The following TMCO1 variants were observed in gnomAD, a reference collection of about 807,000 sequenced individuals.
TMCO1 encodes the protein transmembrane and coiled-coil domains 1.
In TMCO1, 29 loss-of-function variants were observed where a neutral mutation model predicts 29.3. That is an observed-to-expected ratio of 0.99 (90% CI 0.74 to 1.35). TMCO1 has a LOEUF of 1.35. TMCO1 is among the 40% of genes most tolerant of loss of function. TMCO1 has a pLI of 0.00. For missense variants in TMCO1, 173 were observed against 225.5 expected (o/e 0.77, Z 1.49); for synonymous variants, 80 against 77.1 (o/e 1.04, Z -0.20).
intron 6 of TMCO1, among the ~76,000 whole-genome samples, chr1:165,728,988 C>G (rs983141466): frequency 1.3e-5 from 2 of 151,472 alleles, no homozygotes; most frequent in South Asian, 4.2e-4. Context: ...CACCTGTAGT[C>G]CTAGCTACTC....
At chr1:165,761,167 G>A (rs1360496625) in intron 2 of TMCO1, among the ~76,000 whole-genome samples, 1 of 141,962 alleles carries the variant, frequency 7.0e-6, no homozygotes, top group Non-Finnish European at 1.6e-5. Flanking sequence ...TGTGTTTTGT[G>A]TATTTGTGTG....
downstream of TMCO1, chr1:165,725,207 C>T: frequency 2.2e-6 from 1 of 453,142 alleles, no homozygotes; most frequent in Non-Finnish European, 4.4e-6. Context: ...TATTGAAATA[C>T]ATAAAATAAG....
intron 6 of TMCO1, among the ~76,000 whole-genome samples, chr1:165,739,762 A>G (rs1460908613): frequency 6.6e-6 from 1 of 152,020 alleles, no homozygotes; most frequent in Non-Finnish European, 1.5e-5. Flanking sequence ...TTTTTGGTGC[A>G]TCTAAGATTA....
chr1:165,761,389 G>T (rs1468656986), intron 2 of TMCO1, among the ~76,000 whole-genome samples: 1 of 152,084 alleles, frequency 6.6e-6, no homozygotes, highest in African/African-American at 2.4e-5. Flanking sequence ...TGAAAAATTA[G>T]CCGAGTGTGG....
At chr1:165,749,494 C>A (rs888140727) in intron 5 of TMCO1, among the ~76,000 whole-genome samples, 1 of 152,052 alleles carries the variant, frequency 6.6e-6, no homozygotes, top group African/African-American at 2.4e-5. Context: ...GTAGACGAAA[C>A]AAATATTTAA....
intron 6 of TMCO1, among the ~76,000 whole-genome samples, chr1:165,735,444 AACAG>A: frequency 6.6e-6 from 1 of 152,276 alleles, no homozygotes; most frequent in African/African-American, 2.4e-5. Flanking sequence ...AATCCTGGAA[AACAG>A]AGAGACAACA....
At chr1:165,748,009 A>G (rs1476324623) in intron 5 of TMCO1, among the ~76,000 whole-genome samples, 1 of 152,068 alleles carries the variant, frequency 6.6e-6, no homozygotes, top group Non-Finnish European at 1.5e-5. Context: ...AAATACAAAA[A>G]TTAGCTTGGT....
At chr1:165,751,430 GT>G (rs1370562908) in intron 5 of TMCO1, among the ~76,000 whole-genome samples, 6 of 152,016 alleles carry the variant, frequency 3.9e-5, no homozygotes, top group Non-Finnish European at 5.9e-5. Flanking sequence ...CTGGCTGGGC[GT>G]GGTGGCTCAC....
downstream of TMCO1, chr1:165,725,959 G>C: frequency 1.5e-6 from 1 of 666,848 alleles, no homozygotes; most frequent in Non-Finnish European, 2.7e-6. Flanking sequence ...CCTTACCATG[G>C]AAACATAATT....
chr1:165,757,763 G>T (rs1350910380), intron 3 of TMCO1, among the ~76,000 whole-genome samples: 1 of 152,204 alleles, frequency 6.6e-6, no homozygotes, highest in Non-Finnish European at 1.5e-5. Flanking sequence ...TTCCCAAAGT[G>T]CTGGGATTAC....
chr1:165,735,954 T>G (rs73020530), intron 6 of TMCO1, among the ~76,000 whole-genome samples: 2,015 of 152,318 alleles, frequency 0.013, 53 homozygotes, highest in African/African-American at 0.047. Context: ...GAATGTTTGT[T>G]TCCCTTACAA....
chr1:165,754,152 A>T, intron 4 of TMCO1, 76 bp downstream of exon 4: 2 of 1,240,124 alleles, frequency 1.6e-6, no homozygotes, highest in Non-Finnish European at 2.4e-6. Context: ...AGGTGAGTGC[A>T]ATGCACTTGA....
chr1:165,763,690 C>G (rs868461695), intron 2 of TMCO1, among the ~76,000 whole-genome samples: 4 of 152,206 alleles, frequency 2.6e-5, no homozygotes, highest in African/African-American at 7.2e-5. Context: ...CCAATCTCCC[C>G]TCTCTGCTCA....
In TMCO1 at chr1:165,727,484, A is replaced by C. The variant is rs1650948663; in HGVS notation, c.*539T>G. 2.2e-6 allele frequency: 1 copy of C among 453,942 alleles called. No homozygotes were observed. Among genetic ancestry groups the C allele is most frequent in the Admixed American group, 2.4e-5 (1 of 42,532 alleles). The allele number at this position is 453,942 out of a possible 1,614,324, so 28.1% of individuals were successfully genotyped here. ...CTTTTATTTTAGTCCTTCCTGGCCC[A>C]TGCTAAAACTTATATCTAGAAATAC... On this transcript the variant is annotated 3_prime_UTR_variant, in exon 7 of 7. Coordinates refer to ENST00000367881, the MANE Select transcript of TMCO1 (RefSeq NM_019026.6).
intron 1 of TMCO1, 79 bp from the exon 2 acceptor site, chr1:165,768,348 G>A (rs1465575589): frequency 4.6e-6 from 7 of 1,528,794 alleles, no homozygotes; most frequent in African/African-American, 2.7e-5. Flanking sequence ...TGTTGGAGAA[G>A]GAGGAATTCC....
chr1:165,725,012 CTCTCTCTCTCTCTATATA>C (rs780277358), downstream of TMCO1: 1,183 of 243,694 alleles, frequency 4.9e-3, 14 homozygotes, highest in African/African-American at 0.041. Context: ...CTCTCTCTCT[CTCTCTCTCTCTCTATATA>C]TATATATATA....
rs777707920 is a variant in TMCO1 at position 165,752,089 on chromosome 1, A to G, written c.323+13T>C. The stretch of plus-strand genomic sequence containing the variant: ...AATAGTTATTAGTCAAAAGCATATA[A>G]AAGGACACTCACATGGAATTGAACA... On this transcript the variant is annotated intron_variant, in intron 5 of 6. Transcript: ENST00000367881. 6.2e-6 allele frequency: 10 copies of G among 1,602,438 alleles called. No homozygotes were observed. In the South Asian group the frequency reaches 1.1e-4, roughly 18 times the overall value.
chr1:165,748,306 G>C (rs148913262), intron 5 of TMCO1, among the ~76,000 whole-genome samples: 12 of 152,306 alleles, frequency 7.9e-5, no homozygotes, highest in African/African-American at 2.9e-4. Context: ...ATGTTGGATA[G>C]AGAGGAGACA....
At position 165,768,232 on chromosome 1, in the gene TMCO1, G is replaced by A; in HGVS notation, c.108C>T (p.Tyr36=). 6.2e-7 allele frequency: 1 copy of A among 1,613,838 alleles called. No homozygotes were observed. Among genetic ancestry groups the A allele is most frequent in the Non-Finnish European group, 8.5e-7 (1 of 1,179,978 alleles). ...TTTCCACTTCTGCCTTCAGTCTCTT[G>A]TACTTGTCTGTCCTGTAAACCAGGA... ...TWVLVYRTDK[Y]KRLKAEVEKQ... Residue 36 remains tyrosine (Y), a synonymous_variant, in exon 2 of 7, where the codon TAC becomes TAT. Coordinates refer to ENST00000367881, the MANE Select transcript of TMCO1 (RefSeq NM_019026.6).
Sources: gnomAD v4.1 joint callset for allele counts (sites outside exome capture counted in the v4.1 genomes callset) on GRCh38, gnomAD v4.1.1 for gene constraint, MANE v1.5 for transcripts, NCBI Gene and HGNC (gene_info 2026-07-23, HGNC 2026-07-21) for gene names.